METTL9: variants seen among roughly 807,000 people sequenced by gnomAD.
METTL9 encodes the protein protein-L-histidine N-pros-methyltransferase.
A neutral mutation model predicts 36.0 loss-of-function variants in METTL9; 10 were observed. The observed-to-expected ratio is 0.28, with a 90% CI of 0.17 to 0.47. The LOEUF (loss-of-function observed/expected upper bound fraction) is 0.47, where lower values mean the gene tolerates loss of function less well. Ranked by LOEUF, METTL9 falls within the 20% of genes least tolerant of loss-of-function variation. The pLI is 0.99. For synonymous variants in METTL9, 175 were observed against 149.7 expected (o/e 1.17, Z -1.23); for missense variants, 246 against 383.5 (o/e 0.64, Z 3.00).
At position 21,651,851 on chromosome 16, in the gene METTL9, A is replaced by G. The variant is rs145442750; in HGVS notation, c.752-3376A>G. 266 of 152,190 alleles carry G rather than the reference A, an allele frequency of 1.7e-3. 2 individuals are homozygous for G. Among genetic ancestry groups the G allele is most frequent in the African/African-American group, 6.1e-3 (251 of 41,452 alleles). The allele number at this position is 152,190 out of a possible 1,614,324, so 9.4% of individuals were successfully genotyped here. A position where few individuals can be genotyped will look rare whatever the true frequency, so the allele number is the denominator to read the frequency against. On this transcript the variant is annotated intron_variant, in intron 4 of 4. Transcript: ENST00000358154. ...AAAATAGTCTATGAAAGTAATATAT[A>G]CTTATTAGCAAAAAACAGGTTATTA...
At chr16:21,634,241 C>G (rs573145301) in intron 4 of METTL9, among the ~76,000 whole-genome samples, 1 of 152,194 alleles carries the variant, frequency 6.6e-6, no homozygotes, top group African/African-American at 2.4e-5. Context: ...TCCTGGCACT[C>G]AATAGTTAAG....
chr16:21,649,058 A>G (rs1458735245), intron 4 of METTL9, among the ~76,000 whole-genome samples: 1 of 152,046 alleles, frequency 6.6e-6, no homozygotes, highest in Non-Finnish European at 1.5e-5. Context: ...TGGTGCAATC[A>G]CGGCACACTG....
intron 4 of METTL9, among the ~76,000 whole-genome samples, chr16:21,630,341 C>A (rs1279060614): frequency 6.6e-6 from 1 of 152,244 alleles, no homozygotes; most frequent in East Asian, 1.9e-4. Context: ...CCCTTCACAC[C>A]TCCCTGTGAG....
intron 1 of METTL9, among the ~76,000 whole-genome samples, chr16:21,609,844 G>C (rs1219938387): frequency 6.6e-6 from 1 of 152,082 alleles, no homozygotes; most frequent in African/African-American, 2.4e-5. Context: ...GTAGTGATGT[G>C]ATCAGATTTG....
chr16:21,602,400 G>T (rs1326486625), intron 1 of METTL9, among the ~76,000 whole-genome samples: 1 of 152,168 alleles, frequency 6.6e-6, no homozygotes, highest in African/African-American at 2.4e-5. Context: ...TGTAGTAGCA[G>T]TGCCATTTTA....
At chr16:21,627,286 G>A (rs1267617648) in intron 4 of METTL9, 7 of 985,026 alleles carry the variant, frequency 7.1e-6, no homozygotes, top group Non-Finnish European at 8.4e-6. Context: ...TTGCATACTT[G>A]GCTTAATTTG....
intron 1 of METTL9, among the ~76,000 whole-genome samples, chr16:21,606,078 T>C (rs1844437372): frequency 6.6e-6 from 1 of 151,942 alleles, no homozygotes; most frequent in African/African-American, 2.4e-5. Context: ...GGCTCACGCC[T>C]GTAATCCCGG....
chr16:21,631,578 G>GT (rs1392642750), intron 4 of METTL9, among the ~76,000 whole-genome samples: 3 of 152,138 alleles, frequency 2.0e-5, no homozygotes, highest in Admixed American at 6.5e-5. Flanking sequence ...TCATTGTGTC[G>GT]TTTTTCCTTA....
intron 1 of METTL9, among the ~76,000 whole-genome samples, chr16:21,600,799 T>C (rs1965104620): frequency 1.3e-5 from 2 of 152,212 alleles, no homozygotes; most frequent in African/African-American, 2.4e-5. Flanking sequence ...AAAGAGGCTT[T>C]TGAACTCTGC....
Position 21,652,574 on chromosome 16 carries a change from T to C in METTL9, c.752-2653T>C, listed in dbSNP as rs1276905210. 10 of 1,610,728 alleles carry C rather than the reference T, an allele frequency of 6.2e-6. No individual in the cohort carries two copies. In the East Asian group the frequency reaches 2.0e-4, roughly 32 times the overall value. On this transcript the variant is annotated intron_variant, in intron 4 of 4. Coordinates refer to ENST00000358154, the MANE Select transcript of METTL9 (RefSeq NM_016025.5). ...AGATTGGTTTGCAGATGGCGAGCGATGTTGCTTCTGCTCGCAGTCCCCATT... is the reference window on the plus strand; with the variant it reads ...AGATTGGTTTGCAGATGGCGAGCGACGTTGCTTCTGCTCGCAGTCCCCATT...
At chr16:21,617,420 CA>C (rs774322535) in intron 2 of METTL9, among the ~76,000 whole-genome samples, 1,205 of 59,788 alleles carry the variant, frequency 0.02, 41 homozygotes, top group East Asian at 0.14. Context: ...GACTCTGTCT[CA>C]AAAAAAAAAA....
intron 4 of METTL9, chr16:21,652,571 C>G: frequency 6.2e-7 from 1 of 1,610,552 alleles, no homozygotes; most frequent in African/African-American, 1.3e-5. Flanking sequence ...AGATGGCGAG[C>G]GATGTTGCTT....
chr16:21,609,127 A>G (rs748809204), intron 1 of METTL9, among the ~76,000 whole-genome samples: 16 of 152,056 alleles, frequency 1.1e-4, no homozygotes, highest in Non-Finnish European at 2.2e-4. Flanking sequence ...TGGTAATGCA[A>G]TTTTGTGGTG....
At chr16:21,598,880 G>A (rs776419325), upstream of METTL9, among the ~76,000 whole-genome samples, 6 of 152,158 alleles carry the variant, frequency 3.9e-5, no homozygotes, top group Non-Finnish European at 7.4e-5. Context: ...TACCCCAGCT[G>A]CGGTAGCTTC....
chr16:21,627,489 T>A, intron 4 of METTL9: 1 of 406,580 alleles, frequency 2.5e-6, no homozygotes, highest in Non-Finnish European at 3.3e-6. Flanking sequence ...AGAATTATTT[T>A]AAGCACCCCC....
chr16:21,655,120 C>A lies in METTL9; in HGVS notation c.752-107C>A, dbSNP rs973299710. ...CAAAAGAGGTAACTCATGAAGCCCT[C>A]AGGCTTGGAACGTACCAAGTCCTTG... is the stretch of plus-strand genomic sequence containing the variant. On this transcript the variant is annotated intron_variant, in intron 4 of 4. Coordinates refer to ENST00000358154, the MANE Select transcript of METTL9 (RefSeq NM_016025.5). 9 of 961,314 alleles carry A rather than the reference C, an allele frequency of 9.4e-6. No homozygotes were observed. In the African/African-American group the frequency reaches 1.3e-4, roughly 14 times the overall value. 59.5% of individuals were successfully genotyped at this position (961,314 alleles called of 1,614,324 possible).
chr16:21,601,729 C>CTGTG (rs57264395), intron 1 of METTL9, among the ~76,000 whole-genome samples: 5,620 of 145,756 alleles, frequency 0.039, 132 homozygotes, highest in Middle Eastern at 0.053. Flanking sequence ...TATTTATATT[C>CTGTG]TGTGTGTGTG....
chr16:21,605,442 G>C (rs1965259445), intron 1 of METTL9, among the ~76,000 whole-genome samples: 1 of 151,586 alleles, frequency 6.6e-6, no homozygotes, highest in South Asian at 2.1e-4. Flanking sequence ...GCAGGGTCTT[G>C]CCATGTTGTT....
chr16:21,607,760 T>G (rs938455400), intron 1 of METTL9, among the ~76,000 whole-genome samples: 3 of 152,206 alleles, frequency 2.0e-5, no homozygotes, highest in African/African-American at 7.2e-5. Flanking sequence ...AGAGTGGGCG[T>G]GTAGTCCTGT....
Sources: gnomAD v4.1 joint callset for allele counts (sites outside exome capture counted in the v4.1 genomes callset) on GRCh38, gnomAD v4.1.1 for gene constraint, MANE v1.5 for transcripts, NCBI Gene and HGNC (gene_info 2026-07-23, HGNC 2026-07-21) for gene names.